Variants in GLI2 observed in about 807,000 individuals in gnomAD.
The protein encoded by GLI2 is transcription activator GLI2.
In GLI2, 22 loss-of-function variants were observed where a neutral mutation model predicts 78.9. That is an observed-to-expected ratio of 0.28 (90% CI 0.20 to 0.40). The LOEUF is 0.40. Among genes scored for constraint, GLI2 ranks in the 10% least tolerant of loss-of-function variants. GLI2 has a pLI of 1.00. For missense variants in GLI2, 2,097 were observed against 2,213.2 expected (o/e 0.95, Z 1.05); for synonymous variants, 974 against 963.7 (o/e 1.01, Z -0.20).
intron 2 of GLI2, among the ~76,000 whole-genome samples, chr2:120,815,477 C>T (rs538053332): frequency 1.3e-5 from 2 of 152,196 alleles, no homozygotes; most frequent in South Asian, 2.1e-4. Flanking sequence ...CTCCCTCCAC[C>T]GATAGAGGGA....
intron 2 of GLI2, among the ~76,000 whole-genome samples, chr2:120,813,213 G>A (rs867459573): frequency 6.6e-6 from 1 of 152,214 alleles, no homozygotes; most frequent in Non-Finnish European, 1.5e-5. Flanking sequence ...GGAGGCTTCT[G>A]AAGACTTAAA....
chr2:120,981,234 C>A (rs928194877), intron 10 of GLI2, among the ~76,000 whole-genome samples: 14 of 152,194 alleles, frequency 9.2e-5, no homozygotes, highest in African/African-American at 3.4e-4. Flanking sequence ...TACTCTTTTG[C>A]ATGTGATTAC....
At chr2:120,986,133 C>T (rs1295815650) in intron 12 of GLI2, 145 bp from the exon 13 acceptor site, 30 of 704,624 alleles carry the variant, frequency 4.3e-5, no homozygotes, top group Non-Finnish European at 6.2e-5. Flanking sequence ...TGACGCTTTA[C>T]GTGCTCCTCC....
intron 2 of GLI2, among the ~76,000 whole-genome samples, chr2:120,815,195 G>A (rs1685435631): frequency 6.6e-6 from 1 of 152,170 alleles, no homozygotes; most frequent in Admixed American, 6.5e-5. Flanking sequence ...ATAAGTAACG[G>A]CAGTTTTCAG....
At chr2:120,746,914 G>GTTA (rs1479606635) in intron 1 of GLI2, among the ~76,000 whole-genome samples, 2 of 152,076 alleles carry the variant, frequency 1.3e-5, no homozygotes, top group African/African-American at 4.8e-5. Context: ...GATCTCTCAT[G>GTTA]TTATTAATAA....
At chr2:120,760,499 G>C (rs1683180986) in intron 1 of GLI2, among the ~76,000 whole-genome samples, 1 of 152,264 alleles carries the variant, frequency 6.6e-6, no homozygotes, top group African/African-American at 2.4e-5. Context: ...AGATTTGGGG[G>C]ACTCTTCCCC....
At chr2:120,920,937 CTG>C (rs1171657180) in intron 2 of GLI2, among the ~76,000 whole-genome samples, 2 of 150,048 alleles carry the variant, frequency 1.3e-5, no homozygotes, top group Non-Finnish European at 3.0e-5. Context: ...ACAATGAAAG[CTG>C]TGTGTGTAAG....
chr2:120,934,115 G>C (rs996991800), intron 3 of GLI2, among the ~76,000 whole-genome samples: 5 of 152,212 alleles, frequency 3.3e-5, no homozygotes, highest in Admixed American at 2.6e-4. Context: ...AGAGTTTGGG[G>C]ACCACTGCAG....
chr2:120,870,277 A>C (rs1688361270), intron 2 of GLI2, among the ~76,000 whole-genome samples: 1 of 152,150 alleles, frequency 6.6e-6, no homozygotes, highest in African/African-American at 2.4e-5. Context: ...TGTTTTAGGG[A>C]CCAAAACAAG....
intron 2 of GLI2, among the ~76,000 whole-genome samples, chr2:120,834,227 C>T (rs1686499577): frequency 6.6e-6 from 1 of 152,178 alleles, no homozygotes; most frequent in South Asian, 2.1e-4. Context: ...CACCCCACAC[C>T]ATACAGGACT....
At chr2:120,919,947 C>T (rs1287963848) in intron 2 of GLI2, among the ~76,000 whole-genome samples, 2 of 152,252 alleles carry the variant, frequency 1.3e-5, no homozygotes, top group African/African-American at 2.4e-5. Context: ...GCTGCCTCGT[C>T]GTAACACAGA....
At chr2:120,814,712 G>A (rs111857756) in intron 2 of GLI2, among the ~76,000 whole-genome samples, 1 of 152,170 alleles carries the variant, frequency 6.6e-6, no homozygotes, top group Non-Finnish European at 1.5e-5. Flanking sequence ...TCTAGGTTGC[G>A]TGCTCCTTAT....
At chr2:120,946,011 C>T (rs1680694764) in intron 3 of GLI2, among the ~76,000 whole-genome samples, 2 of 114,408 alleles carry the variant, frequency 1.7e-5, no homozygotes. Context: ...TCCAGCCTTT[C>T]TTTGCACACA....
chr2:120,771,364 T>A (rs1683516699), intron 1 of GLI2, among the ~76,000 whole-genome samples: 1 of 152,260 alleles, frequency 6.6e-6, no homozygotes, highest in African/African-American at 2.4e-5. Context: ...ACCAGCTCTG[T>A]GACCTCGGGC....
intron 3 of GLI2, among the ~76,000 whole-genome samples, chr2:120,940,004 C>T (rs900685584): frequency 3.9e-5 from 6 of 152,198 alleles, no homozygotes; most frequent in Non-Finnish European, 8.8e-5. Context: ...TTCTAATTTT[C>T]TGTTTCCCTT....
At chr2:120,847,753 G>T (rs1370555112) in intron 2 of GLI2, among the ~76,000 whole-genome samples, 2 of 148,744 alleles carry the variant, frequency 1.3e-5, no homozygotes. Flanking sequence ...CTGCGTGGGG[G>T]GCAGGGGCGG....
intron 3 of GLI2, among the ~76,000 whole-genome samples, chr2:120,940,404 G>T (rs1350052690): frequency 6.6e-6 from 1 of 152,210 alleles, no homozygotes; most frequent in African/African-American, 2.4e-5. Flanking sequence ...TCCTTATTCA[G>T]CTATTCTCCC....
At chr2:120,975,246 G>T in intron 9 of GLI2, 137 bp downstream of exon 9, 1 of 737,122 alleles carries the variant, frequency 1.4e-6, no homozygotes, top group Non-Finnish European at 2.2e-6. Context: ...CACATCCCCT[G>T]CAAGTGGGAG....
At chr2:120,803,655 G>A (rs1297230839) in intron 2 of GLI2, among the ~76,000 whole-genome samples, 3 of 152,086 alleles carry the variant, frequency 2.0e-5, no homozygotes, top group Non-Finnish European at 4.4e-5. Flanking sequence ...GTCCCGAGTG[G>A]GCTCCTGGCC....
Sources: gnomAD v4.1 joint callset for allele counts (sites outside exome capture counted in the v4.1 genomes callset) on GRCh38, gnomAD v4.1.1 for gene constraint, MANE v1.5 for transcripts, NCBI Gene and HGNC (gene_info 2026-07-23, HGNC 2026-07-21) for gene names.